AKAP19: variants seen among roughly 807,000 people sequenced by gnomAD.
The protein encoded by AKAP19 is small A-kinase anchoring protein.
the AKAP19 span, among the ~76,000 whole-genome samples, chr2:189,938,336 CAA>C: frequency 6.7e-4 from 46 of 68,924 alleles, no homozygotes; most frequent in Admixed American, 8.1e-4. Flanking sequence ...ACTCCATCTC[CAA>C]AAAAAAAAAA....
the AKAP19 span, among the ~76,000 whole-genome samples, chr2:190,196,537 C>G: frequency 9.7e-6 from 1 of 102,860 alleles, no homozygotes; most frequent in Non-Finnish European, 2.1e-5. Flanking sequence ...TTTTTTTTTT[C>G]CCTTGATTAT....
At chr2:190,178,720 G>A in the AKAP19 span, among the ~76,000 whole-genome samples, 737 of 152,324 alleles carry the variant, frequency 4.8e-3, 9 homozygotes, top group Middle Eastern at 0.01. The surrounding 1 kb of genome is among the most constrained non-coding windows in gnomAD (Gnocchi z 6.3). Context: ...GGTCCAATTT[G>A]TTCTCAAACT....
At chr2:190,071,838 T>C in the AKAP19 span, among the ~76,000 whole-genome samples, 1 of 151,896 alleles carries the variant, frequency 6.6e-6, no homozygotes, top group Non-Finnish European at 1.5e-5. Context: ...AGAAAAGATA[T>C]ACCAGACAAA....
chr2:189,904,215 G>A, the AKAP19 span, among the ~76,000 whole-genome samples: 2 of 152,016 alleles, frequency 1.3e-5, no homozygotes, highest in African/African-American at 2.4e-5. Context: ...TTTATGTAGT[G>A]CTTGATGCCT....
the AKAP19 span, among the ~76,000 whole-genome samples, chr2:190,042,460 AC>A: frequency 1.3e-5 from 2 of 151,588 alleles, no homozygotes; most frequent in African/African-American, 4.8e-5. Flanking sequence ...TTTCAAAAAA[AC>A]AACTCCTGGA....
the AKAP19 span, among the ~76,000 whole-genome samples, chr2:189,897,750 T>C: frequency 6.6e-6 from 1 of 152,212 alleles, no homozygotes; most frequent in Non-Finnish European, 1.5e-5. Flanking sequence ...TTAATTAAAT[T>C]AATGAAAGCT....
At chr2:189,960,936 C>G in the AKAP19 span, among the ~76,000 whole-genome samples, 1 of 152,206 alleles carries the variant, frequency 6.6e-6, no homozygotes, top group East Asian at 1.9e-4. Flanking sequence ...AAATGTATGC[C>G]CATTCTACTT....
chr2:190,087,222 A>G, the AKAP19 span, among the ~76,000 whole-genome samples: 3 of 152,230 alleles, frequency 2.0e-5, no homozygotes, highest in Non-Finnish European at 4.4e-5. Flanking sequence ...TTATTCTACC[A>G]TTTAATCAAG....
the AKAP19 span, among the ~76,000 whole-genome samples, chr2:190,176,563 TGG>T: frequency 3.3e-5 from 5 of 152,188 alleles, no homozygotes; most frequent in Non-Finnish European, 7.3e-5. The surrounding 1 kb of genome is among the most constrained non-coding windows in gnomAD (Gnocchi z 4.7). Flanking sequence ...TTGGCCAGGC[TGG>T]TCTCAAACTC....
chr2:190,195,829 C>T, the AKAP19 span, among the ~76,000 whole-genome samples: 1 of 151,968 alleles, frequency 6.6e-6, no homozygotes, highest in African/African-American at 2.4e-5. Flanking sequence ...TGTCGCCAAA[C>T]CCAAGGTTAT....
the AKAP19 span, among the ~76,000 whole-genome samples, chr2:190,160,338 A>AT: frequency 6.6e-6 from 1 of 151,544 alleles, no homozygotes; most frequent in African/African-American, 2.4e-5. Flanking sequence ...TTAGAATAAG[A>AT]TTTTTTTTTT....
chr2:190,059,702 T>A, the AKAP19 span, among the ~76,000 whole-genome samples: 6 of 152,096 alleles, frequency 3.9e-5, no homozygotes, highest in South Asian at 1.0e-3. Flanking sequence ...TTTGGATTTG[T>A]TGGTTTATGT....
the AKAP19 span, among the ~76,000 whole-genome samples, chr2:190,070,111 A>T: frequency 6.6e-6 from 1 of 152,216 alleles, no homozygotes; most frequent in Non-Finnish European, 1.5e-5. Flanking sequence ...TCAGTGCCAC[A>T]GTGGTGCCCT....
At chr2:190,130,766 G>A in the AKAP19 span, among the ~76,000 whole-genome samples, 7 of 152,084 alleles carry the variant, frequency 4.6e-5, no homozygotes, top group South Asian at 2.1e-4. Context: ...TACAAACAGC[G>A]GTAGATCAAC....
chr2:189,933,249 A>T, the AKAP19 span, among the ~76,000 whole-genome samples: 1 of 152,184 alleles, frequency 6.6e-6, no homozygotes, highest in Non-Finnish European at 1.5e-5. Context: ...TATCTCTCAT[A>T]AAGACTTCTA....
At chr2:190,105,794 C>T in the AKAP19 span, among the ~76,000 whole-genome samples, 2 of 152,234 alleles carry the variant, frequency 1.3e-5, no homozygotes, top group African/African-American at 4.8e-5. Context: ...TCAAACATGA[C>T]TCTGCCCTAG....
the AKAP19 span, among the ~76,000 whole-genome samples, chr2:190,051,133 T>C: frequency 6.6e-6 from 1 of 152,204 alleles, no homozygotes; most frequent in African/African-American, 2.4e-5. Flanking sequence ...TCTTACATTA[T>C]GTATATACCC....
the AKAP19 span, among the ~76,000 whole-genome samples, chr2:190,159,117 G>C: frequency 6.6e-6 from 1 of 152,154 alleles, no homozygotes; most frequent in Non-Finnish European, 1.5e-5. Flanking sequence ...GTCTGAGCTG[G>C]GATTAGGCAC....
the AKAP19 span, among the ~76,000 whole-genome samples, chr2:189,927,687 G>A: frequency 1.3e-5 from 2 of 152,066 alleles, no homozygotes; most frequent in Admixed American, 6.6e-5. Flanking sequence ...TAAAAATAAG[G>A]ATATTCTCTC....
Sources: gnomAD v4.1 joint callset for allele counts (sites outside exome capture counted in the v4.1 genomes callset) on GRCh38, gnomAD v4.1.1 for gene constraint, Gnocchi (gnomAD v3.1) non-coding constraint, MANE v1.5 for transcripts, NCBI Gene and HGNC (gene_info 2026-07-23, HGNC 2026-07-21) for gene names.